PLXDC2: variants seen among roughly 807,000 people sequenced by gnomAD.
PLXDC2 encodes plexin domain-containing protein 2.
PLXDC2 carries 40 observed loss-of-function variants against 68.9 expected under a neutral mutation model. The ratio of observed to expected loss-of-function variants is 0.58; its 90% CI spans 0.45 to 0.76. The LOEUF is 0.76. Ranked by LOEUF, PLXDC2 falls within the 30% of genes least tolerant of loss-of-function variation. The probability of loss-of-function intolerance (pLI) is 0.00; values close to 1 mark genes in which losing one functional copy is unlikely to be tolerated. For synonymous variants in PLXDC2, 243 were observed against 234.2 expected, an observed-to-expected ratio of 1.04 and a Z score of -0.34; for missense variants, 644 against 661.9, an observed-to-expected ratio of 0.97 and a Z score of 0.30.
chr10:19,915,327 A>G (rs1272866981), intron 1 of PLXDC2, among the ~76,000 whole-genome samples: 5 of 152,188 alleles, frequency 3.3e-5, no homozygotes, highest in Non-Finnish European at 4.4e-5. Flanking sequence ...GATGCAATAC[A>G]TCTGAAACTT....
chr10:20,033,941 A>T (rs1835540016), intron 2 of PLXDC2, among the ~76,000 whole-genome samples: 1 of 152,216 alleles, frequency 6.6e-6, no homozygotes, highest in African/African-American at 2.4e-5. Flanking sequence ...AAGGTGAGAC[A>T]AACTAAGATA....
At chr10:20,244,671 G>A (rs139903917) in intron 12 of PLXDC2, among the ~76,000 whole-genome samples, 32 of 152,322 alleles carry the variant, frequency 2.1e-4, no homozygotes, top group Non-Finnish European at 4.1e-4. Context: ...AATGAGAGGA[G>A]CTTTCAAAAT....
intron 6 of PLXDC2, among the ~76,000 whole-genome samples, chr10:20,161,005 A>C (rs1277487718): frequency 1.3e-5 from 2 of 152,110 alleles, no homozygotes; most frequent in African/African-American, 4.8e-5. Context: ...ATAGATACTT[A>C]TCTGATTCCC....
In PLXDC2 at chr10:19,995,233, C is replaced by T. The variant is rs1023606506; in HGVS notation, c.113-6542C>T. Among the ~76,000 whole-genome samples, 4 of 152,130 alleles carry T rather than the reference C, an allele frequency of 2.6e-5. No homozygotes were observed. In the South Asian group the frequency reaches 6.2e-4, roughly 24 times the overall value. ...TCACAAGACTCATCATATAGTCATG[C>T]TCATGGTTATGATTTATTACAGCAA... is the stretch of plus-strand genomic sequence containing the variant. On this transcript the variant is annotated intron_variant, in intron 1 of 13. Coordinates refer to ENST00000377252, the MANE Select transcript of PLXDC2 (RefSeq NM_032812.9).
intron 13 of PLXDC2, among the ~76,000 whole-genome samples, chr10:20,255,546 AAATT>A (rs1412773719): frequency 6.6e-6 from 1 of 152,146 alleles, no homozygotes; most frequent in East Asian, 1.9e-4. Context: ...TTCACAGTAA[AAATT>A]AATTCATTCA....
intron 1 of PLXDC2, among the ~76,000 whole-genome samples, chr10:19,849,635 C>G (rs955631465): frequency 6.6e-6 from 1 of 152,038 alleles, no homozygotes; most frequent in African/African-American, 2.4e-5. Flanking sequence ...GTTTGCTTCC[C>G]CTTCCACCAT....
intron 9 of PLXDC2, among the ~76,000 whole-genome samples, chr10:20,180,471 G>C (rs1283280367): frequency 6.6e-6 from 1 of 151,942 alleles, no homozygotes; most frequent in Non-Finnish European, 1.5e-5. Context: ...CTGCCCAGAA[G>C]CATTTCCCCA....
intron 1 of PLXDC2, among the ~76,000 whole-genome samples, chr10:19,989,844 G>A (rs1281717783): frequency 6.6e-6 from 1 of 151,300 alleles, no homozygotes; most frequent in Admixed American, 6.6e-5. Flanking sequence ...CCATCCCCTG[G>A]GTTTAAGCAA....
intron 12 of PLXDC2, among the ~76,000 whole-genome samples, chr10:20,229,260 A>T (rs1354664634): frequency 6.6e-6 from 1 of 152,082 alleles, no homozygotes. Context: ...ATATAGTAAG[A>T]CACAAGTAAT....
chr10:20,208,618 A>G (rs979139873), intron 9 of PLXDC2, among the ~76,000 whole-genome samples: 2 of 152,198 alleles, frequency 1.3e-5, no homozygotes, highest in African/African-American at 4.8e-5. Context: ...TCATATGAAA[A>G]AGATATTATG....
At chr10:19,931,160 G>C (rs1487234146) in intron 1 of PLXDC2, among the ~76,000 whole-genome samples, 1 of 152,216 alleles carries the variant, frequency 6.6e-6, no homozygotes, top group African/African-American at 2.4e-5. Flanking sequence ...GAGTACAAAT[G>C]CATGGCAGGA....
chr10:20,147,491 T>C (rs187605116), intron 5 of PLXDC2, among the ~76,000 whole-genome samples: 23 of 152,332 alleles, frequency 1.5e-4, no homozygotes, highest in Non-Finnish European at 5.9e-5. Flanking sequence ...AAGCAGACAG[T>C]ATCTATTAAC....
At chr10:20,048,898 T>C (rs1835844260) in intron 3 of PLXDC2, among the ~76,000 whole-genome samples, 1 of 152,132 alleles carries the variant, frequency 6.6e-6, no homozygotes, top group Non-Finnish European at 1.5e-5. Flanking sequence ...TTTTTTCTTA[T>C]TGTTAGTGTG....
chr10:19,904,409 G>A lies in PLXDC2; in HGVS notation c.112+87218G>A, dbSNP rs935669185. 3.3e-5 allele frequency among the ~76,000 whole-genome samples: 5 copies of A among 152,010 alleles called. No homozygotes were observed. The East Asian group carries it at 7.7e-4, about 24-fold the overall frequency. ...CCAGGGAAGTGAGGGAACCCCAGCA[G>A]TCTCAGGCCTCACCCCACTCCCACA... On this transcript the variant is annotated intron_variant, in intron 1 of 13. Transcript: ENST00000377252.
At chr10:19,957,664 C>T (rs1834092765) in intron 1 of PLXDC2, among the ~76,000 whole-genome samples, 1 of 152,124 alleles carries the variant, frequency 6.6e-6, no homozygotes, top group Non-Finnish European at 1.5e-5. Context: ...ACAAATAACA[C>T]TGCGATGAAG....
chr10:20,100,977 G>C (rs1028282052), intron 4 of PLXDC2, among the ~76,000 whole-genome samples: 2 of 152,072 alleles, frequency 1.3e-5, no homozygotes, highest in African/African-American at 2.4e-5. Flanking sequence ...TCACTTACTA[G>C]TTTGGTAATT....
chr10:19,852,309 C>A (rs1225723441), intron 1 of PLXDC2, among the ~76,000 whole-genome samples: 1 of 151,194 alleles, frequency 6.6e-6, no homozygotes, highest in African/African-American at 2.4e-5. Context: ...ATCCCTTGAG[C>A]CTAGGAGGTT....
At chr10:20,133,717 G>A (rs80089705) in intron 4 of PLXDC2, among the ~76,000 whole-genome samples, 5,543 of 152,070 alleles carry the variant, frequency 0.036, 123 homozygotes, top group South Asian at 0.067. Context: ...GGATTCTTTG[G>A]GCGTCATGGA....
chr10:20,197,846 A>G (rs993558425), intron 9 of PLXDC2, among the ~76,000 whole-genome samples: 7 of 152,234 alleles, frequency 4.6e-5, no homozygotes, highest in Non-Finnish European at 7.4e-5. Context: ...TAAAAAGCCA[A>G]ATTGTTGAAA....
Sources: allele counts gnomAD v4.1 joint callset (sites outside exome capture counted in the v4.1 genomes callset), GRCh38; gene constraint gnomAD v4.1.1; transcripts MANE v1.5; gene names NCBI Gene and HGNC (gene_info 2026-07-23, HGNC 2026-07-21).